The following TSPAN9 variants were observed in gnomAD, a reference collection of about 807,000 sequenced individuals.
TSPAN9 encodes tetraspanin 9.
In TSPAN9, 16 loss-of-function variants were observed where a neutral mutation model predicts 31.0. That is an observed-to-expected ratio of 0.52 (90% CI 0.35 to 0.78). The LOEUF (loss-of-function observed/expected upper bound fraction) is 0.78. Among genes scored for constraint, TSPAN9 ranks in the 30% least tolerant of loss-of-function variants. The pLI, the probability that TSPAN9 is intolerant of heterozygous loss-of-function variation, is 0.01. For missense variants in TSPAN9, 272 were observed against 312.5 expected, an observed-to-expected ratio of 0.87 and a Z score of 0.98; for synonymous variants, 145 against 121.6, an observed-to-expected ratio of 1.19 and a Z score of -1.27.
At chr12:3,177,219 G>A (rs140279905) in intron 2 of TSPAN9, among the ~76,000 whole-genome samples, 6,190 of 148,948 alleles carry the variant, frequency 0.042, 403 homozygotes, top group African/African-American at 0.14. Flanking sequence ...CTCACTGCCA[G>A]CTCCACCTCC....
chr12:3,196,603 G>A (rs1157586872), intron 2 of TSPAN9, among the ~76,000 whole-genome samples: 5 of 152,178 alleles, frequency 3.3e-5, no homozygotes, highest in Non-Finnish European at 7.4e-5. Flanking sequence ...AGACTTATAC[G>A]TTAAAGTTGC....
At chr12:3,083,378 G>GT (rs1229291038) in intron 1 of TSPAN9, among the ~76,000 whole-genome samples, 1 of 152,194 alleles carries the variant, frequency 6.6e-6, no homozygotes, top group Non-Finnish European at 1.5e-5. Context: ...TGTTACTTCT[G>GT]TAACTGCCCG....
chr12:3,219,626 G>A (rs1037155638), intron 3 of TSPAN9, among the ~76,000 whole-genome samples: 1 of 152,018 alleles, frequency 6.6e-6, no homozygotes, highest in African/African-American at 2.4e-5. Context: ...TAGATGAGTA[G>A]AGAAAAATGG....
chr12:3,109,070 G>A (rs550574064), intron 2 of TSPAN9, among the ~76,000 whole-genome samples: 19 of 152,048 alleles, frequency 1.2e-4, no homozygotes, highest in Non-Finnish European at 2.1e-4. Context: ...CGAGTAGCTG[G>A]GACTACAGGC....
At chr12:3,266,252 G>T (rs1862534176) in intron 3 of TSPAN9, among the ~76,000 whole-genome samples, 1 of 152,188 alleles carries the variant, frequency 6.6e-6, no homozygotes, top group Non-Finnish European at 1.5e-5. Flanking sequence ...TAAGAATGTG[G>T]TTTTTGGAGT....
At chr12:3,277,688 G>T (rs775002509) in intron 3 of TSPAN9, among the ~76,000 whole-genome samples, 33 of 152,286 alleles carry the variant, frequency 2.2e-4, no homozygotes, top group Admixed American at 1.9e-3. Flanking sequence ...TCCCCAGGTG[G>T]AGCTGGTGGC....
chr12:3,229,350 C>T (rs529190965), intron 3 of TSPAN9, among the ~76,000 whole-genome samples: 48 of 152,304 alleles, frequency 3.2e-4, no homozygotes, highest in African/African-American at 1.0e-3. Flanking sequence ...GCCTGGCCTT[C>T]GAGGTGCCTT....
chr12:3,223,229 G>C (rs760793308), intron 3 of TSPAN9, among the ~76,000 whole-genome samples: 1 of 152,232 alleles, frequency 6.6e-6, no homozygotes, highest in Non-Finnish European at 1.5e-5. Context: ...TGAGAAATGT[G>C]CTGTAGTCGT....
intron 2 of TSPAN9, among the ~76,000 whole-genome samples, chr12:3,102,289 A>C (rs1049088851): frequency 6.6e-6 from 1 of 151,944 alleles, no homozygotes; most frequent in Non-Finnish European, 1.5e-5. Flanking sequence ...ATGCCCTGCC[A>C]ACATTTTTAA....
At position 3,281,725 on chromosome 12, in the gene TSPAN9, G is replaced by A. The variant is rs748945080; in HGVS notation, c.565-9G>A. ...CTGGGACCCTAACCTCGTGGGCCTCGCTCCCCAGGGCTGCTATGAAAAGGT... is the reference window on the plus strand; with the variant it reads ...CTGGGACCCTAACCTCGTGGGCCTCACTCCCCAGGGCTGCTATGAAAAGGT... On this transcript the variant is annotated splice_polypyrimidine_tract_variant and intron_variant, in intron 7 of 8. Transcript: ENST00000011898. 14 of 1,608,194 alleles carry A rather than the reference G, an allele frequency of 8.7e-6. No homozygotes were observed. In the African/African-American group the frequency reaches 9.4e-5, roughly 11 times the overall value.
intron 8 of TSPAN9, 134 bp from the exon 9 acceptor site, chr12:3,282,911 T>C (rs1478371105): frequency 1.4e-5 from 11 of 783,632 alleles, no homozygotes; most frequent in Non-Finnish European, 2.1e-5. Flanking sequence ...CTTCATTCCA[T>C]AAGCATTTTC....
intron 2 of TSPAN9, among the ~76,000 whole-genome samples, chr12:3,097,514 C>T (rs954237706): frequency 2.0e-5 from 3 of 152,148 alleles, no homozygotes; most frequent in African/African-American, 7.2e-5. Context: ...CCCCGGAACC[C>T]ACAAGGAGGA....
chr12:3,078,580 A>G (rs1438772080), intron 1 of TSPAN9, among the ~76,000 whole-genome samples: 1 of 152,182 alleles, frequency 6.6e-6, no homozygotes, highest in Admixed American at 6.5e-5. Flanking sequence ...CAAATCATTT[A>G]TATTTAGCTA....
chr12:3,102,487 T>G (rs1591628668), intron 2 of TSPAN9, among the ~76,000 whole-genome samples: 1 of 145,706 alleles, frequency 6.9e-6, no homozygotes, highest in East Asian at 2.0e-4. Flanking sequence ...TAGGCTGGAG[T>G]GCAGTGGCGC....
intron 3 of TSPAN9, among the ~76,000 whole-genome samples, chr12:3,226,718 ATGTGTGTGTGTGTGTGTGTG>A (rs60390468): frequency 0.055 from 844 of 15,238 alleles, 47 homozygotes; most frequent in South Asian, 0.14. Flanking sequence ...ATGTGTATGT[ATGTGTGTGTGTGTGTGTGTG>A]TGTGTGTATA....
intron 2 of TSPAN9, among the ~76,000 whole-genome samples, chr12:3,121,032 C>T (rs2098324823): frequency 6.7e-6 from 1 of 148,468 alleles, no homozygotes. Flanking sequence ...GTGGCTCAGT[C>T]ACAGGACCTG....
At chr12:3,133,021 G>A (rs1454568552) in intron 2 of TSPAN9, among the ~76,000 whole-genome samples, 1 of 152,250 alleles carries the variant, frequency 6.6e-6, no homozygotes, top group Non-Finnish European at 1.5e-5. Context: ...CTCCCTTGGA[G>A]TATGACTTGA....
At chr12:3,254,610 TCACCAGG>T (rs1008341762) in intron 3 of TSPAN9, among the ~76,000 whole-genome samples, 1 of 152,238 alleles carries the variant, frequency 6.6e-6, no homozygotes. Flanking sequence ...TGTAGAACGT[TCACCAGG>T]CACCAGGCAC....
intron 2 of TSPAN9, among the ~76,000 whole-genome samples, chr12:3,087,822 C>T (rs1432023362): frequency 6.6e-6 from 1 of 152,064 alleles, no homozygotes; most frequent in Non-Finnish European, 1.5e-5. Context: ...AAAAAAATGT[C>T]AGTATATACC....
Sources: allele counts gnomAD v4.1 joint callset (sites outside exome capture counted in the v4.1 genomes callset), GRCh38; gene constraint gnomAD v4.1.1; transcripts MANE v1.5; gene names NCBI Gene and HGNC (gene_info 2026-07-23, HGNC 2026-07-21).